Variants in AGAP1 observed in about 807,000 individuals in gnomAD.
The protein encoded by AGAP1 is arf-GAP with GTPase, ANK repeat and PH domain-containing protein 1.
AGAP1 carries 29 observed loss-of-function variants against 105.3 expected under a neutral mutation model. That is an observed-to-expected ratio of 0.28 (90% CI 0.21 to 0.38). AGAP1 has a LOEUF of 0.38. Among genes scored for constraint, AGAP1 ranks in the 10% least tolerant of loss-of-function variants. The probability of loss-of-function intolerance (pLI) is 1.00; values close to 1 mark genes in which losing one functional copy is unlikely to be tolerated. For synonymous variants in AGAP1, 509 were observed against 485.9 expected, an observed-to-expected ratio of 1.05 and a Z score of -0.63; for missense variants, 998 against 1,165.1, an observed-to-expected ratio of 0.86 and a Z score of 2.09.
chr2:235,694,977 G>C (rs759231216), intron 1 of AGAP1, among the ~76,000 whole-genome samples: 7 of 152,338 alleles, frequency 4.6e-5, no homozygotes, highest in African/African-American at 1.7e-4. Flanking sequence ...GGTGCTGAGC[G>C]GAGCTCCATA....
chr2:235,605,447 C>T lies in AGAP1; in HGVS notation c.164-103732C>T, dbSNP rs1298246278. On this transcript the variant is annotated intron_variant, in intron 1 of 17. Coordinates refer to ENST00000304032, the MANE Select transcript of AGAP1 (RefSeq NM_001037131.3). ...AGCTAATCCTAAAATCTGTTTTTCA[C>T]CAGACGACGCCGGCCCTTCCGGCTT... Among the ~76,000 whole-genome samples, 2 of 152,244 alleles carry T rather than the reference C, an allele frequency of 1.3e-5. 1 individual carries two copies. The highest frequency in any genetic ancestry group is 2.9e-5 in the Non-Finnish European group (2 of 68,046).
rs1946159633 is a variant in AGAP1 at position 235,612,450 on chromosome 2, C to T, written c.164-96729C>T. ...TGGTAATGAGATCTCAGGGGCAGCG[C>T]CTAGAGTGCTGGGCCCTTCCAGATG... On this transcript the variant is annotated intron_variant, in intron 1 of 17. Transcript: ENST00000304032. This position sits in a 1 kb window ranked among gnomAD's most constrained non-coding sequence, Gnocchi z 4.3. 6.6e-6 allele frequency among the ~76,000 whole-genome samples: 1 copy of T among 152,164 alleles called. No individual in the cohort carries two copies. The highest frequency in any genetic ancestry group is 6.5e-5 in the Admixed American group (1 of 15,278).
Position 235,909,339 on chromosome 2 carries a change from G to A in AGAP1, c.1324+433G>A, listed in dbSNP as rs898104411. Among the ~76,000 whole-genome samples the A allele has an allele frequency of 3.4e-4, 51 of 152,136 alleles. 1 individual carries two copies. Among genetic ancestry groups the A allele is most frequent in the African/African-American group, 9.7e-4 (40 of 41,440 alleles). ...CTATATAAAATGTAAATTCTGTGTT[G>A]TTATATTTTAATTATCTGCCATTCT... On this transcript the variant is annotated intron_variant, in intron 11 of 17. Transcript: ENST00000304032.
At chr2:235,780,812 T>C (rs1049503684) in intron 6 of AGAP1, among the ~76,000 whole-genome samples, 11 of 152,200 alleles carry the variant, frequency 7.2e-5, no homozygotes, top group African/African-American at 2.2e-4. Flanking sequence ...GTAGAAACAG[T>C]TGATCCTGGC....
intron 16 of AGAP1, among the ~76,000 whole-genome samples, chr2:236,084,341 G>C (rs1377520695): frequency 1.3e-5 from 2 of 152,114 alleles, no homozygotes; most frequent in Non-Finnish European, 2.9e-5. Context: ...TTCATTTCAT[G>C]CTGTAAGGAT....
chr2:235,853,017 G>A lies in AGAP1; in HGVS notation c.1051-30328G>A, dbSNP rs987750185. On this transcript the variant is annotated intron_variant, in intron 9 of 17. Coordinates refer to ENST00000304032, the MANE Select transcript of AGAP1 (RefSeq NM_001037131.3). ...AATGGAGCGCTCCTCCAGAAAGTTCGGCAACTCACAAAAGACCCCTTAATT... is the reference window on the plus strand; with the variant it reads ...AATGGAGCGCTCCTCCAGAAAGTTCAGCAACTCACAAAAGACCCCTTAATT... 1.5e-5 allele frequency: 19 copies of A among 1,246,232 alleles called. No homozygotes were observed. The Admixed American group carries it at 4.2e-4, about 28-fold the overall frequency. The allele number at this position is 1,246,232 out of a possible 1,614,324, so 77.2% of individuals were successfully genotyped here.
At position 235,750,106 on chromosome 2, in the gene AGAP1, TTC is replaced by T. The variant is rs1183566763; in HGVS notation, c.539-246_539-245del. The stretch of plus-strand genomic sequence containing the variant: ...TAGACCCATATTTAAGTCTTTTTCC[TTC>T]TTTCTGAACATTTTAAAATTGCAGT... On this transcript the variant is annotated intron_variant, in intron 5 of 17. Transcript: ENST00000304032. The surrounding 1 kb of genome is among the most constrained non-coding windows in gnomAD (Gnocchi z 5.3). Among the ~76,000 whole-genome samples, 2 of 152,242 alleles carry T rather than the reference TTC, an allele frequency of 1.3e-5. No homozygotes were observed. The highest frequency in any genetic ancestry group is 2.9e-5 in the Non-Finnish European group (2 of 68,040).
intron 3 of AGAP1, among the ~76,000 whole-genome samples, chr2:235,722,343 G>T (rs1374239329): frequency 6.6e-6 from 1 of 152,232 alleles, no homozygotes; most frequent in Non-Finnish European, 1.5e-5. Context: ...TCTGTGCACA[G>T]TTGTTCTGAT....
intron 9 of AGAP1, among the ~76,000 whole-genome samples, chr2:235,828,699 C>G (rs898054710): frequency 2.0e-5 from 3 of 152,200 alleles, no homozygotes; most frequent in African/African-American, 7.2e-5. Flanking sequence ...ATTCCAGAAG[C>G]TTTCGCTCAC....
At chr2:236,047,180 C>G (rs558512602) in intron 15 of AGAP1, among the ~76,000 whole-genome samples, 1 of 152,296 alleles carries the variant, frequency 6.6e-6, no homozygotes, top group African/African-American at 2.4e-5. Flanking sequence ...CCGAGTGAAA[C>G]GTTGGCCACA....
chr2:235,796,223 T>A (rs1484280628), intron 6 of AGAP1, among the ~76,000 whole-genome samples: 2 of 152,218 alleles, frequency 1.3e-5, no homozygotes, highest in African/African-American at 2.4e-5. Context: ...CAATTATGAT[T>A]TTTGGCTAAT....
At chr2:235,713,667 A>G (rs760911043) in intron 2 of AGAP1, among the ~76,000 whole-genome samples, 6 of 152,228 alleles carry the variant, frequency 3.9e-5, no homozygotes, top group Non-Finnish European at 5.9e-5. Flanking sequence ...GGGAGCTTTG[A>G]GGAAAGGCAC....
At position 235,705,561 on chromosome 2, in the gene AGAP1, G is replaced by A. The variant is rs2149494197; in HGVS notation, c.164-3618G>A. 6.6e-6 allele frequency among the ~76,000 whole-genome samples: 1 copy of A among 152,340 alleles called. No homozygotes were observed. Among genetic ancestry groups the A allele is most frequent in the East Asian group, 1.9e-4 (1 of 5,186 alleles). On this transcript the variant is annotated intron_variant, in intron 1 of 17. Coordinates refer to ENST00000304032, the MANE Select transcript of AGAP1 (RefSeq NM_001037131.3). The surrounding 1 kb of genome is among the most constrained non-coding windows in gnomAD (Gnocchi z 4.9). ...CCCACAGATAGGTCCCTGTAGTGGA[G>A]TAGGAGGAAGGACTATTTTGGTATG...
At position 235,771,879 on chromosome 2, in the gene AGAP1, C is replaced by T. The variant is rs111465499; in HGVS notation, c.673+21391C>T. Among the ~76,000 whole-genome samples the T allele has an allele frequency of 2.9e-3, 447 of 151,930 alleles. 2 individuals are homozygous for T. The highest frequency in any genetic ancestry group is 9.4e-3 in the African/African-American group (390 of 41,414). On this transcript the variant is annotated intron_variant, in intron 6 of 17. Coordinates refer to ENST00000304032, the MANE Select transcript of AGAP1 (RefSeq NM_001037131.3). ...AATCATTCATCCTTTTTACTTGTTT[C>T]GAGGCCTGTGACAAAAAATTCAGAT...
chr2:235,779,805 T>C (rs1360675536), intron 6 of AGAP1, among the ~76,000 whole-genome samples: 1 of 152,348 alleles, frequency 6.6e-6, no homozygotes, highest in East Asian at 1.9e-4. Context: ...GATAGGAAAC[T>C]GGAAGCTCAT....
rs1409457981 is a variant in AGAP1 at position 235,655,747 on chromosome 2, A to C, written c.164-53432A>C. Among the ~76,000 whole-genome samples the C allele has an allele frequency of 1.3e-5, 2 of 152,216 alleles. No individual in the cohort carries two copies. The highest frequency in any genetic ancestry group is 2.9e-5 in the Non-Finnish European group (2 of 68,038). On this transcript the variant is annotated intron_variant, in intron 1 of 17. Coordinates refer to ENST00000304032, the MANE Select transcript of AGAP1 (RefSeq NM_001037131.3). The surrounding 1 kb of genome is among the most constrained non-coding windows in gnomAD (Gnocchi z 4.3). ...CTTATTTTGTGAAGAAAGGATCTTTAGTGCCACGTGTGTATTTTTAACACA... is the reference window on the plus strand; with the variant it reads ...CTTATTTTGTGAAGAAAGGATCTTTCGTGCCACGTGTGTATTTTTAACACA...
chr2:236,025,529 CA>C (rs2057022970), intron 13 of AGAP1, among the ~76,000 whole-genome samples: 1 of 152,048 alleles, frequency 6.6e-6, no homozygotes, highest in Admixed American at 6.6e-5. Context: ...AAATTGGGTC[CA>C]AAAATCTATT....
At chr2:235,684,269 C>T (rs937082978) in intron 1 of AGAP1, among the ~76,000 whole-genome samples, 6 of 152,104 alleles carry the variant, frequency 3.9e-5, no homozygotes, top group African/African-American at 9.7e-5. Context: ...TGGTCTCGAT[C>T]TCCTGACCTC....
Position 235,887,955 on chromosome 2 carries a change from G to A in AGAP1, c.1155+4506G>A, listed in dbSNP as rs951936512. Among the ~76,000 whole-genome samples, 2 of 152,096 alleles carry A rather than the reference G, an allele frequency of 1.3e-5. No homozygotes were observed. The highest frequency in any genetic ancestry group is 1.3e-4 in the Admixed American group (2 of 15,276). On this transcript the variant is annotated intron_variant, in intron 10 of 17. Coordinates refer to ENST00000304032, the MANE Select transcript of AGAP1 (RefSeq NM_001037131.3). The surrounding 1 kb of genome is among the most constrained non-coding windows in gnomAD (Gnocchi z 4.1). ...TAGGGCCGTGCGGCAGCCCATCACC[G>A]GCAGCGCTTGCTCGTGGTGGTGAGG...
Sources: gnomAD v4.1 joint callset for allele counts (sites outside exome capture counted in the v4.1 genomes callset) on GRCh38, gnomAD v4.1.1 for gene constraint, Gnocchi (gnomAD v3.1) non-coding constraint, MANE v1.5 for transcripts, NCBI Gene and HGNC (gene_info 2026-07-23, HGNC 2026-07-21) for gene names.